EML6: variants seen among roughly 807,000 people sequenced by gnomAD.
The protein encoded by EML6 is echinoderm microtubule-associated protein-like 6.
Under a neutral mutation model 240.1 loss-of-function variants are expected in EML6, and 154 were observed. That is an observed-to-expected ratio of 0.64 (90% confidence interval 0.56 to 0.73). The LOEUF (loss-of-function observed/expected upper bound fraction) is 0.73. Ranked by LOEUF, EML6 falls within the 30% of genes least tolerant of loss-of-function variation. The pLI is 0.00. For missense variants in EML6, 2,964 were observed against 2,474.6 expected (o/e 1.20, Z -4.20); for synonymous variants, 1,148 against 899.0 (o/e 1.28, Z -4.95).
At chr2:54,923,095 C>A (rs1053137432) in intron 26 of EML6, among the ~76,000 whole-genome samples, 6 of 152,006 alleles carry the variant, frequency 3.9e-5, no homozygotes, top group African/African-American at 1.4e-4. Context: ...GCATGTGGCA[C>A]TATGCCTGGC....
intron 13 of EML6, among the ~76,000 whole-genome samples, chr2:54,866,148 G>C (rs1456292954): frequency 6.6e-6 from 1 of 152,194 alleles, no homozygotes; most frequent in Non-Finnish European, 1.5e-5. Flanking sequence ...ACTTGATGAA[G>C]ATGAGAAATT....
At chr2:54,926,061 C>T (rs1248761119) in intron 26 of EML6, among the ~76,000 whole-genome samples, 1 of 152,168 alleles carries the variant, frequency 6.6e-6, no homozygotes, top group African/African-American at 2.4e-5. Flanking sequence ...TCAGGAATTT[C>T]TTCCCTACAA....
At chr2:54,895,785 T>TC (rs985619866) in intron 21 of EML6, among the ~76,000 whole-genome samples, 7 of 151,944 alleles carry the variant, frequency 4.6e-5, no homozygotes, top group Admixed American at 6.5e-5. Context: ...CTTTTTTTTT[T>TC]CTTGCTGGCT....
At position 54,765,553 on chromosome 2, in the gene EML6, C is replaced by T. The variant is rs986965095; in HGVS notation, c.197+40295C>T. On this transcript the variant is annotated intron_variant, in intron 2 of 41. Coordinates refer to ENST00000356458, the MANE Select transcript of EML6 (RefSeq NM_001039753.4). Reference sequence around the variant, plus strand: ...TCGGCTCACTGCAAGCTCCGCCTGCCGGGTTCACGCCATTCTCCTGCCTCA... The same window carrying T: ...TCGGCTCACTGCAAGCTCCGCCTGCTGGGTTCACGCCATTCTCCTGCCTCA... 7.9e-5 allele frequency among the ~76,000 whole-genome samples: 12 copies of T among 152,230 alleles called. 2 individuals carry two copies. The highest frequency in any genetic ancestry group is 3.3e-4 in the Admixed American group (5 of 15,284).
chr2:54,874,741 T>C (rs1337494676), intron 16 of EML6, among the ~76,000 whole-genome samples: 3 of 152,178 alleles, frequency 2.0e-5, no homozygotes, highest in African/African-American at 7.2e-5. Flanking sequence ...GGACCTGTGG[T>C]GACTCCTGAA....
At chr2:54,961,126 G>T (rs944336800) in intron 35 of EML6, among the ~76,000 whole-genome samples, 3 of 148,850 alleles carry the variant, frequency 2.0e-5, no homozygotes, top group Non-Finnish European at 4.4e-5. Context: ...ACCTGGAAGG[G>T]TAGTTATGGG....
At chr2:54,833,430 T>C (rs1434682471) in intron 7 of EML6, among the ~76,000 whole-genome samples, 5 of 152,230 alleles carry the variant, frequency 3.3e-5, no homozygotes, top group Admixed American at 6.5e-5. Context: ...AAAAATGATA[T>C]GGCTTTGTAA....
In EML6 at chr2:54,954,002, C is replaced by T. The variant is rs868771598; in HGVS notation, c.4332C>T (p.His1444=). The T allele has an allele frequency of 1.3e-6, 2 of 1,551,646 alleles. No individual in the cohort carries two copies. Among genetic ancestry groups the T allele is most frequent in the Middle Eastern group, 1.7e-4 (1 of 5,992 alleles). The change falls in exon 32 of 42, where the codon CAC becomes CAT. Residue 1444 remains histidine (H), a synonymous_variant. Transcript: ENST00000356458. ...ACTCAGGGACAACACCTTCCATCCA[C>T]ATATGGGACGCCATGACCAAACACA... ...TSQIGTTPSI[H]IWDAMTKHTL...
chr2:54,839,032 C>T (rs1669305211), intron 7 of EML6, among the ~76,000 whole-genome samples: 1 of 152,208 alleles, frequency 6.6e-6, no homozygotes, highest in South Asian at 2.1e-4. Flanking sequence ...CAGTATAAGA[C>T]AGCTTCGTTG....
At chr2:54,776,188 G>C (rs921764559) in intron 2 of EML6, among the ~76,000 whole-genome samples, 1 of 151,950 alleles carries the variant, frequency 6.6e-6, no homozygotes, top group African/African-American at 2.4e-5. Context: ...ATGTTTTTTA[G>C]TTTCTGACTC....
At chr2:54,877,166 T>G (rs866570928) in intron 16 of EML6, among the ~76,000 whole-genome samples, 1 of 152,016 alleles carries the variant, frequency 6.6e-6, no homozygotes, top group Non-Finnish European at 1.5e-5. Context: ...TGTATTTTTG[T>G]AGAGAGTGGG....
chr2:54,896,277 C>T lies in EML6; in HGVS notation c.2982+877C>T, dbSNP rs374575272. Among the ~76,000 whole-genome samples, 3 of 152,156 alleles carry T rather than the reference C, an allele frequency of 2.0e-5. No homozygotes were observed. In the East Asian group the frequency reaches 5.8e-4, roughly 29 times the overall value. Reference sequence around the variant, plus strand: ...TCAATCTGTCCGTCCATAAAATGAACAAGACAAATTACCTGCTCCCCACAT... The same window carrying T: ...TCAATCTGTCCGTCCATAAAATGAATAAGACAAATTACCTGCTCCCCACAT... On this transcript the variant is annotated intron_variant, in intron 21 of 41. Transcript: ENST00000356458.
intron 2 of EML6, among the ~76,000 whole-genome samples, chr2:54,791,230 T>TA (rs1373228977): frequency 6.6e-6 from 1 of 152,194 alleles, no homozygotes; most frequent in African/African-American, 2.4e-5. Flanking sequence ...ATGATGCCAG[T>TA]ACATGCCTGA....
intron 26 of EML6, among the ~76,000 whole-genome samples, chr2:54,919,111 C>T (rs534291824): frequency 5.9e-5 from 9 of 152,258 alleles, no homozygotes; most frequent in Admixed American, 1.3e-4. Flanking sequence ...CCTATACTCA[C>T]GTAAATGAGT....
intron 12 of EML6, among the ~76,000 whole-genome samples, chr2:54,860,828 G>A (rs1423500753): frequency 1.3e-5 from 2 of 152,014 alleles, no homozygotes; most frequent in African/African-American, 4.8e-5. Flanking sequence ...CTCCCCAGAT[G>A]GGGTTTATGC....
At chr2:54,816,951 C>G (rs1291116137) in intron 4 of EML6, 66 bp downstream of exon 4, 8 of 940,886 alleles carry the variant, frequency 8.5e-6, no homozygotes, top group Admixed American at 2.0e-5. Context: ...TATCGCGTCT[C>G]AGACTTCTAA....
chr2:54,951,354 G>C (rs1025664891), intron 30 of EML6, among the ~76,000 whole-genome samples: 16 of 152,208 alleles, frequency 1.1e-4, no homozygotes, highest in Admixed American at 7.2e-4. Flanking sequence ...TCAACATAGA[G>C]AAACCCCATC....
intron 17 of EML6, 135 bp from the exon 18 acceptor site, chr2:54,890,919 G>A (rs561291826): frequency 3.3e-5 from 15 of 456,824 alleles, no homozygotes; most frequent in African/African-American, 1.4e-4. Flanking sequence ...GTAGATGCCC[G>A]TGTGGATTTT....
intron 2 of EML6, among the ~76,000 whole-genome samples, chr2:54,806,644 AGAAT>A (rs1423851750): frequency 1.6e-5 from 2 of 121,682 alleles, no homozygotes; most frequent in Admixed American, 8.8e-5. Flanking sequence ...AAAAAAAAAA[AGAAT>A]GTCCGTTTCT....
Sources: allele counts gnomAD v4.1 joint callset (sites outside exome capture counted in the v4.1 genomes callset), GRCh38; gene constraint gnomAD v4.1.1; transcripts MANE v1.5; gene names NCBI Gene and HGNC (gene_info 2026-07-23, HGNC 2026-07-21).